Variants in OR9Q1 observed in about 807,000 individuals in gnomAD.
OR9Q1 encodes the protein olfactory receptor 9Q1.
For synonymous variants in OR9Q1, 153 were observed against 148.6 expected (o/e 1.03, Z -0.22); for missense variants, 374 against 378.8 (o/e 0.99, Z 0.11).
chr11:58,031,899 G>C (rs1374570), intron 1 of OR9Q1: 803,631 of 1,600,670 alleles, frequency 0.5, 205,556 homozygotes, highest in Middle Eastern at 0.56. Context: ...TTTTGGAAGG[G>C]ACAGTGAGGA....
chr11:58,027,743 A>G (rs1350661754), intron 1 of OR9Q1, among the ~76,000 whole-genome samples: 3 of 152,160 alleles, frequency 2.0e-5, no homozygotes, highest in Non-Finnish European at 4.4e-5. Context: ...GCAAGGGGAT[A>G]AAAAGCCGTC....
At chr11:58,074,688 T>G (rs4939178) in intron 2 of OR9Q1, among the ~76,000 whole-genome samples, 19,679 of 152,240 alleles carry the variant, frequency 0.13, 1,519 homozygotes, top group South Asian at 0.2. Context: ...CCCATGCCTA[T>G]GTCCTGAGTG....
At chr11:58,162,167 T>C (rs1854463339) in intron 2 of OR9Q1, among the ~76,000 whole-genome samples, 2 of 152,182 alleles carry the variant, frequency 1.3e-5, no homozygotes, top group Admixed American at 1.3e-4. Flanking sequence ...TCTTTGTAAC[T>C]GTGTAACATG....
At chr11:58,108,313 A>T (rs1853862591) in intron 2 of OR9Q1, among the ~76,000 whole-genome samples, 1 of 152,184 alleles carries the variant, frequency 6.6e-6, no homozygotes, top group South Asian at 2.1e-4. Context: ...TACAAAGAGT[A>T]AAGTCAGTGT....
chr11:58,089,391 A>G (rs1413969267), intron 2 of OR9Q1, among the ~76,000 whole-genome samples: 1 of 151,840 alleles, frequency 6.6e-6, no homozygotes, highest in East Asian at 1.9e-4. Context: ...AGCACCGTTT[A>G]TTACATAGGG....
At chr11:58,170,530 A>G (rs1031402735) in intron 2 of OR9Q1, among the ~76,000 whole-genome samples, 14 of 152,110 alleles carry the variant, frequency 9.2e-5, no homozygotes, top group African/African-American at 3.4e-4. Context: ...TCTTTAATGC[A>G]TTGTGATATG....
chr11:58,066,314 T>G (rs1417145712), intron 2 of OR9Q1, among the ~76,000 whole-genome samples: 1 of 152,132 alleles, frequency 6.6e-6, no homozygotes, highest in Non-Finnish European at 1.5e-5. Context: ...GGGGTCCAGA[T>G]AGTGTCCACC....
chr11:58,175,734 A>G (rs544063123), intron 2 of OR9Q1, among the ~76,000 whole-genome samples: 4 of 152,122 alleles, frequency 2.6e-5, no homozygotes, highest in Non-Finnish European at 4.4e-5. Flanking sequence ...GCGACGAGTC[A>G]ATGTACCACA....
chr11:58,144,938 T>C (rs1410253530), intron 2 of OR9Q1: 1 of 152,740 alleles, frequency 6.5e-6, no homozygotes, highest in African/African-American at 2.4e-5. Context: ...TCTGGTGCCA[T>C]AGTCAATTCT....
Position 58,081,052 on chromosome 11 carries a change from A to G in OR9Q1, c.-15+25105A>G, listed in dbSNP as rs111614407. Among the ~76,000 whole-genome samples the G allele has an allele frequency of 3.7e-3, 563 of 151,996 alleles. 2 individuals are homozygous for G. The highest frequency in any genetic ancestry group is 0.017 in the East Asian group (88 of 5,164). On this transcript the variant is annotated intron_variant, in intron 2 of 2. Coordinates refer to ENST00000335397, the MANE Select transcript of OR9Q1 (RefSeq NM_001005212.4). ...CTCGTTGTTCATCTCCCACCTATGA[A>G]TGAGAACATGTGGTGTTTGGTTTTC...
intron 2 of OR9Q1, among the ~76,000 whole-genome samples, chr11:58,154,928 T>C (rs544686737): frequency 6.6e-6 from 1 of 152,292 alleles, no homozygotes; most frequent in African/African-American, 2.4e-5. Context: ...GCTTAGATGA[T>C]AGTGATTTTA....
intron 2 of OR9Q1, among the ~76,000 whole-genome samples, chr11:58,155,134 T>C (rs1236781413): frequency 6.6e-6 from 1 of 152,192 alleles, no homozygotes; most frequent in Non-Finnish European, 1.5e-5. Flanking sequence ...GGTGGCAGGC[T>C]GAAGACTCAG....
chr11:58,090,271 T>C (rs1853671658), intron 2 of OR9Q1, among the ~76,000 whole-genome samples: 1 of 152,224 alleles, frequency 6.6e-6, no homozygotes, highest in Non-Finnish European at 1.5e-5. Flanking sequence ...CAGTATGATA[T>C]TGGCTGTGGT....
chr11:58,100,566 TCCTATAGATAAAAGTGTTCATTTG>T (rs1853773720), intron 2 of OR9Q1, among the ~76,000 whole-genome samples: 1 of 152,156 alleles, frequency 6.6e-6, no homozygotes, highest in Admixed American at 6.5e-5. Flanking sequence ...TTTTTCCCCT[TCCTATAGATAAAAGTGTTCATTTG>T]CCACTATTTC....
intron 2 of OR9Q1, chr11:58,145,337 T>G (rs1278167755): frequency 6.6e-6 from 1 of 152,460 alleles, no homozygotes; most frequent in Non-Finnish European, 1.5e-5. Flanking sequence ...CCATGCTAAA[T>G]CCAATGATCT....
In OR9Q1 at chr11:58,179,474, C is replaced by G; in HGVS notation, c.30C>G (p.Thr10=). 13 of 1,575,624 alleles carry G rather than the reference C, an allele frequency of 8.3e-6. No individual in the cohort carries two copies. Among genetic ancestry groups the G allele is most frequent in the Non-Finnish European group, 1.1e-5 (13 of 1,159,438 alleles). The change falls in exon 3 of 3, where the codon ACC becomes ACG. Residue 10 remains threonine, a synonymous_variant. Coordinates refer to ENST00000335397, the MANE Select transcript of OR9Q1 (RefSeq NM_001005212.4). Reference sequence around the variant, plus strand: ...CAGAGATGAACCTCACCTTGGTGACCGAGTTCCTCCTTATTGCATTCACTG... The same window carrying G: ...CAGAGATGAACCTCACCTTGGTGACGGAGTTCCTCCTTATTGCATTCACTG... MAEMNLTLV[T]EFLLIAFTEY... is the part of the protein sequence containing the mutation.
chr11:58,037,689 A>ATATATT, intron 1 of OR9Q1, among the ~76,000 whole-genome samples: 1 of 7,000 alleles, frequency 1.4e-4, no homozygotes, highest in African/African-American at 4.3e-4. Context: ...ATATATATAT[A>ATATATT]TTTTTTTTTT....
At chr11:58,064,022 C>T (rs144934536) in intron 2 of OR9Q1, among the ~76,000 whole-genome samples, 56 of 152,238 alleles carry the variant, frequency 3.7e-4, no homozygotes, top group African/African-American at 1.2e-3. Context: ...GGTTGGTTGG[C>T]GAGTGCAGGG....
chr11:58,107,924 A>T (rs1387877271), intron 2 of OR9Q1, among the ~76,000 whole-genome samples: 1 of 152,172 alleles, frequency 6.6e-6, no homozygotes, highest in East Asian at 1.9e-4. Context: ...AGAAAGTAGT[A>T]TCAATTGAGA....
Sources: gnomAD v4.1 joint callset for allele counts (sites outside exome capture counted in the v4.1 genomes callset) on GRCh38, gnomAD v4.1.1 for gene constraint, MANE v1.5 for transcripts, NCBI Gene and HGNC (gene_info 2026-07-23, HGNC 2026-07-21) for gene names.